Variants in PPM1E observed in about 807,000 individuals in gnomAD.
PPM1E encodes protein phosphatase 1E.
PPM1E carries 20 observed loss-of-function variants against 65.9 expected under a neutral mutation model. The ratio of observed to expected loss-of-function variants is 0.30; its 90% CI spans 0.21 to 0.44. PPM1E has a LOEUF of 0.44. Ranked by LOEUF, PPM1E falls within the 20% of genes least tolerant of loss-of-function variation. PPM1E has a pLI of 1.00. For synonymous variants in PPM1E, 352 were observed against 374.9 expected (o/e 0.94, Z 0.70); for missense variants, 713 against 953.1 (o/e 0.75, Z 3.32).
At chr17:58,910,761 G>T (rs1009609056) in intron 1 of PPM1E, among the ~76,000 whole-genome samples, 1 of 152,214 alleles carries the variant, frequency 6.6e-6, no homozygotes, top group African/African-American at 2.4e-5. Flanking sequence ...GGGACAAGAA[G>T]GCTAGAGTGA....
intron 1 of PPM1E, among the ~76,000 whole-genome samples, chr17:58,944,904 G>T (rs1325015838): frequency 6.6e-6 from 1 of 152,116 alleles, no homozygotes; most frequent in Non-Finnish European, 1.5e-5. Flanking sequence ...AAATGTTAAG[G>T]AAGTGCCAAA....
At chr17:58,876,839 A>C (rs2051132084) in intron 1 of PPM1E, among the ~76,000 whole-genome samples, 1 of 152,012 alleles carries the variant, frequency 6.6e-6, no homozygotes, top group Non-Finnish European at 1.5e-5. Flanking sequence ...GCTGGAGTGC[A>C]GTGGCGCGAT....
chr17:58,966,009 G>C, intron 3 of PPM1E, 116 bp downstream of exon 3: 2 of 1,100,314 alleles, frequency 1.8e-6, no homozygotes, highest in Non-Finnish European at 2.6e-6. Flanking sequence ...TGGTAGATTA[G>C]AGTAGGGCTA....
At chr17:58,831,243 C>T (rs2143177909) in intron 1 of PPM1E, among the ~76,000 whole-genome samples, 2 of 151,872 alleles carry the variant, frequency 1.3e-5, no homozygotes, top group South Asian at 4.2e-4. Flanking sequence ...ATTTCCTGAC[C>T]TTGTAATCGT....
chr17:58,783,881 C>T (rs1215299014), intron 1 of PPM1E, among the ~76,000 whole-genome samples: 3 of 144,280 alleles, frequency 2.1e-5, no homozygotes, highest in Non-Finnish European at 4.6e-5. Flanking sequence ...CTACTTTTTT[C>T]TGTATTTTTA....
chr17:58,869,637 C>G (rs2051047552), intron 1 of PPM1E, among the ~76,000 whole-genome samples: 1 of 152,136 alleles, frequency 6.6e-6, no homozygotes, highest in African/African-American at 2.4e-5. Flanking sequence ...AATTGTGAAC[C>G]AAATAAACCT....
chr17:58,770,057 T>C (rs2049921312), intron 1 of PPM1E, among the ~76,000 whole-genome samples: 1 of 151,726 alleles, frequency 6.6e-6, no homozygotes, highest in South Asian at 2.1e-4. Flanking sequence ...AAAAAACCAG[T>C]GGATTATAAA....
chr17:58,775,302 C>T (rs902328425), intron 1 of PPM1E, among the ~76,000 whole-genome samples: 2 of 151,998 alleles, frequency 1.3e-5, no homozygotes, highest in African/African-American at 4.8e-5. Context: ...TCCTTATATT[C>T]CAAGTAAGGA....
At chr17:58,868,704 CT>C (rs1286843429) in intron 1 of PPM1E, among the ~76,000 whole-genome samples, 1 of 151,808 alleles carries the variant, frequency 6.6e-6, no homozygotes, top group Non-Finnish European at 1.5e-5. Flanking sequence ...GTTTTCTTCC[CT>C]GTTTAACTTC....
chr17:58,972,779 T>C (rs2030724158), intron 5 of PPM1E, 53 bp from the exon 6 acceptor site: 1 of 1,455,500 alleles, frequency 6.9e-7, no homozygotes, highest in Non-Finnish European at 9.6e-7. Flanking sequence ...TTAAAGTAAA[T>C]GAATAAATCC....
At chr17:58,831,356 G>T (rs1021280178) in intron 1 of PPM1E, among the ~76,000 whole-genome samples, 1 of 152,124 alleles carries the variant, frequency 6.6e-6, no homozygotes, top group Non-Finnish European at 1.5e-5. Flanking sequence ...CAGCATTTTG[G>T]GAACTGAGTA....
At chr17:58,888,345 C>A (rs1355795882) in intron 1 of PPM1E, among the ~76,000 whole-genome samples, 1 of 145,936 alleles carries the variant, frequency 6.9e-6, no homozygotes, top group South Asian at 2.2e-4. Context: ...GTCTTGTTCC[C>A]TTTTGGACTC....
At chr17:58,925,779 C>A (rs1349623015) in intron 1 of PPM1E, among the ~76,000 whole-genome samples, 1 of 151,872 alleles carries the variant, frequency 6.6e-6, no homozygotes, top group African/African-American at 2.4e-5. Context: ...GGATATTGGA[C>A]CTTTGTCAGA....
intron 1 of PPM1E, among the ~76,000 whole-genome samples, chr17:58,904,666 C>A (rs549777415): frequency 6.6e-6 from 1 of 152,142 alleles, no homozygotes; most frequent in South Asian, 2.1e-4. Flanking sequence ...TAATTTAGTT[C>A]TTTGATTTCT....
intron 1 of PPM1E, among the ~76,000 whole-genome samples, chr17:58,807,505 G>A (rs1043411610): frequency 2.6e-5 from 4 of 152,068 alleles, no homozygotes; most frequent in African/African-American, 7.2e-5. Flanking sequence ...ATTAGATAAC[G>A]GTGGCGGTTG....
At chr17:58,929,335 T>C (rs1433982859) in intron 1 of PPM1E, among the ~76,000 whole-genome samples, 2 of 152,170 alleles carry the variant, frequency 1.3e-5, no homozygotes, top group East Asian at 3.9e-4. Flanking sequence ...TGGAACTTTC[T>C]GGAGTAATTA....
intron 1 of PPM1E, among the ~76,000 whole-genome samples, chr17:58,884,352 C>T (rs1020496554): frequency 6.6e-6 from 1 of 152,062 alleles, no homozygotes; most frequent in Admixed American, 6.6e-5. Context: ...CAGTTTAGGA[C>T]TTGGCTCATT....
At chr17:58,878,587 G>C (rs2051153980) in intron 1 of PPM1E, among the ~76,000 whole-genome samples, 1 of 151,460 alleles carries the variant, frequency 6.6e-6, no homozygotes, top group South Asian at 2.1e-4. Context: ...TTATGAATTG[G>C]AGGATTCGTT....
At chr17:58,825,082 C>T (rs528722470) in intron 1 of PPM1E, among the ~76,000 whole-genome samples, 54 of 151,878 alleles carry the variant, frequency 3.6e-4, no homozygotes, top group Non-Finnish European at 6.5e-4. Context: ...GTATACTGCT[C>T]GGGTGATGAG....
Sources: gnomAD v4.1 joint callset for allele counts (sites outside exome capture counted in the v4.1 genomes callset) on GRCh38, gnomAD v4.1.1 for gene constraint, MANE v1.5 for transcripts, NCBI Gene and HGNC (gene_info 2026-07-23, HGNC 2026-07-21) for gene names.